The following MYH9 variants were observed in gnomAD, a reference collection of about 807,000 sequenced individuals.
The protein encoded by MYH9 is myosin-9.
MYH9 carries 29 observed loss-of-function variants against 241.9 expected under a neutral mutation model. The observed-to-expected ratio is 0.12, with a 90% confidence interval of 0.09 to 0.16. The LOEUF (loss-of-function observed/expected upper bound fraction) is 0.16. Ranked by LOEUF, MYH9 falls within the 10% of genes least tolerant of loss-of-function variation. The pLI, the probability that MYH9 is intolerant of heterozygous loss-of-function variation, is 1.00. For missense variants in MYH9, 1,803 were observed against 2,595.5 expected (o/e 0.69, Z 6.63); for synonymous variants, 1,047 against 1,062.6 (o/e 0.99, Z 0.29).
At chr22:36,365,765 T>TAAAA (rs1199552812) in intron 1 of MYH9, among the ~76,000 whole-genome samples, 1 of 152,236 alleles carries the variant, frequency 6.6e-6, no homozygotes, top group Non-Finnish European at 1.5e-5. Flanking sequence ...CCGGCCTTTT[T>TAAAA]TTAAATTTTA....
chr22:36,316,373 C>G lies in MYH9; in HGVS notation c.1380+144G>C, dbSNP rs2017152385. The G allele has an allele frequency of 2.5e-6, 3 of 1,200,832 alleles. No individual in the cohort carries two copies. In the Admixed American group the frequency reaches 5.7e-5, roughly 23 times the overall value. 74.4% of individuals were successfully genotyped at this position (1,200,832 alleles called of 1,614,324 possible). On this transcript the variant is annotated intron_variant, in intron 12 of 40. Transcript: ENST00000216181. ...TAAAAAAGAAAAAAAAAAAAACAAC[C>G]CCACACCCAACCAAAGTCTTCATGC...
chr22:36,293,591 G>T lies in MYH9; in HGVS notation c.3943-110C>A. On this transcript the variant is annotated intron_variant, in intron 29 of 40. Coordinates refer to ENST00000216181, the MANE Select transcript of MYH9 (RefSeq NM_002473.6). This position sits in a 1 kb window ranked among gnomAD's most constrained non-coding sequence, Gnocchi z 5.1. ...AGCTGGTCCTGCTGATTTAGGGGAT[G>T]GCCACGTAAAGACCTGGAGGGAGCT... 1.3e-6 allele frequency: 2 copies of T among 1,502,388 alleles called. No homozygotes were observed. The highest frequency in any genetic ancestry group is 1.8e-6 in the Non-Finnish European group (2 of 1,091,258). 93.1% of individuals were successfully genotyped at this position (1,502,388 alleles called of 1,614,324 possible). A position where few individuals can be genotyped will look rare whatever the true frequency, so the allele number is the denominator to read the frequency against.
At chr22:36,302,303 A>T (rs1002537721) in intron 20 of MYH9, 114 of 361,500 alleles carry the variant, frequency 3.2e-4, no homozygotes, top group East Asian at 8.7e-4. Context: ...TTTTTTTTTT[A>T]AAGGCCAGGA....
rs2016977314 is a variant in MYH9, at chr22:36,306,730, G to A, written c.1844-123C>T. ...AAAGAGGAGACAGAATGAAACAACAGGACCCTTTCCAATTGGAGCCTACAC... is the reference window on the plus strand; with the variant it reads ...AAAGAGGAGACAGAATGAAACAACAAGACCCTTTCCAATTGGAGCCTACAC... On this transcript the variant is annotated intron_variant, in intron 15 of 40. Coordinates refer to ENST00000216181, the MANE Select transcript of MYH9 (RefSeq NM_002473.6). The surrounding 1 kb of genome is among the most constrained non-coding windows in gnomAD (Gnocchi z 4.1). 2.0e-6 allele frequency: 2 copies of A among 1,021,342 alleles called. No homozygotes were observed. Among genetic ancestry groups the A allele is most frequent in the East Asian group, 2.6e-5 (1 of 38,530 alleles). The allele number at this position is 1,021,342 out of a possible 1,614,324, so 63.3% of individuals were successfully genotyped here.
In MYH9 at chr22:36,285,918, G is replaced by C. The variant is rs771409452; in HGVS notation, c.5097C>G (p.Ala1699=). 3.6e-5 allele frequency: 58 copies of C among 1,612,378 alleles called. 1 individual carries two copies. In the South Asian group the frequency reaches 6.3e-4, roughly 17 times the overall value. Residue 1699 remains alanine (A), a synonymous_variant, in exon 36 of 41, where the codon GCC becomes GCG. Coordinates refer to ENST00000216181, the MANE Select transcript of MYH9 (RefSeq NM_002473.6). This position sits in a 1 kb window ranked among gnomAD's most constrained non-coding sequence, Gnocchi z 7.0. The part of the protein sequence containing the change: ...LAAAERAKRQ[A]QQERDELADE... ...CAGCCAGCTCATCCCGCTCCTGCTG[G>C]GCCTGGCGCTTGGCACGCTCCGCGG...
chr22:36,386,846 C>G (rs978283685), intron 1 of MYH9, among the ~76,000 whole-genome samples: 1 of 152,258 alleles, frequency 6.6e-6, no homozygotes, highest in African/African-American at 2.4e-5. Context: ...GGGGTGAGGA[C>G]CCCAGCACAG....
intron 34 of MYH9, among the ~76,000 whole-genome samples, chr22:36,287,881 G>A (rs113556463): frequency 7.9e-5 from 12 of 152,220 alleles, no homozygotes; most frequent in Admixed American, 2.0e-4. Context: ...CCCACACTCC[G>A]GGCTGCTTCT....
intron 38 of MYH9, among the ~76,000 whole-genome samples, chr22:36,284,856 C>A (rs1369048909): frequency 6.6e-6 from 1 of 152,162 alleles, no homozygotes; most frequent in Non-Finnish European, 1.5e-5. Flanking sequence ...GCAGGACCCC[C>A]CTGTACCTCC....
At chr22:36,303,947 G>A (rs2016929107) in intron 19 of MYH9, 48 bp downstream of exon 19, 1 of 1,608,000 alleles carries the variant, frequency 6.2e-7, no homozygotes, top group Non-Finnish European at 8.5e-7. Flanking sequence ...CAACAGAAGG[G>A]CGTGGCAAGG....
chr22:36,354,956 AACACACACACACAC>A (rs136203), intron 1 of MYH9, among the ~76,000 whole-genome samples: 22 of 123,708 alleles, frequency 1.8e-4, no homozygotes, highest in African/African-American at 4.9e-4. Flanking sequence ...CAAAAAACAA[AACACACACACACAC>A]ACACACACAC....
intron 3 of MYH9, among the ~76,000 whole-genome samples, chr22:36,338,299 CGAA>C (rs1277300727): frequency 6.6e-6 from 1 of 151,848 alleles, no homozygotes; most frequent in Non-Finnish European, 1.5e-5. Context: ...CACACCCAGC[CGAA>C]GAAGAAGGAA....
chr22:36,303,911 G>T, intron 19 of MYH9, 84 bp downstream of exon 19: 2 of 1,519,060 alleles, frequency 1.3e-6, no homozygotes, highest in Non-Finnish European at 9.0e-7. Context: ...TGGCTGCAGC[G>T]GGGTGGCCTG....
chr22:36,360,576 G>A (rs1283780985), intron 1 of MYH9, among the ~76,000 whole-genome samples: 2 of 151,962 alleles, frequency 1.3e-5, no homozygotes, highest in Admixed American at 1.3e-4. Context: ...AGCCGGGCAT[G>A]GTGGCGGGCA....
chr22:36,292,012 C>T lies in MYH9; in HGVS notation c.4318G>A (p.Glu1440Lys). The change falls in exon 31 of 41, where the codon GAG (glutamate) becomes AAG (lysine). Residue 1440 changes from glutamate to lysine, a missense_variant. Around this residue, in one of 11 missense-constraint regions of MYH9, gnomAD observed 876 missense variants for 1,077.8 expected, o/e 0.81. Transcript: ENST00000216181. ...DHQRQSACNL[E>K]KKQKKFDQLL... ...TGGTCAAACTTCTTCTGCTTCTTCT[C>T]CAGGTTGCACGCGCTCTGGCGCTGG... The T allele has an allele frequency of 6.2e-7, 1 of 1,614,240 alleles. No homozygotes were observed. The highest frequency in any genetic ancestry group is 8.5e-7 in the Non-Finnish European group (1 of 1,180,048).
rs142552338 is a variant in MYH9, at chr22:36,322,415, G to A, written c.705+14C>T. The A allele has an allele frequency of 1.6e-3, 2,649 of 1,613,196 alleles. 2 individuals are homozygous for A. Among genetic ancestry groups the A allele is most frequent in the Admixed American group, 2.0e-3 (122 of 60,022 alleles). ...CCTCTGTCCCCAGAGCCGGGGCGCC[G>A]CCGCGCTACTCACGAAGCGGGAGGA... On this transcript the variant is annotated intron_variant, in intron 6 of 40. Transcript: ENST00000216181.
At chr22:36,348,001 G>T (rs2146391557) in intron 2 of MYH9, among the ~76,000 whole-genome samples, 1 of 147,396 alleles carries the variant, frequency 6.8e-6, no homozygotes, top group African/African-American at 2.5e-5. Flanking sequence ...AAGAGATAAA[G>T]ATATTTTTAA....
intron 2 of MYH9, 74 bp from the exon 3 acceptor site, chr22:36,341,600 A>G (rs2017591550): frequency 3.2e-6 from 5 of 1,555,614 alleles, no homozygotes; most frequent in African/African-American, 2.7e-5. Flanking sequence ...TTGTAGCAAA[A>G]TATCTGCGGC....
At chr22:36,369,434 G>A (rs1485946013) in intron 1 of MYH9, among the ~76,000 whole-genome samples, 8 of 152,220 alleles carry the variant, frequency 5.3e-5, no homozygotes, top group Non-Finnish European at 7.3e-5. Flanking sequence ...GGCCGGCTCT[G>A]GGCAGAAGGC....
At chr22:36,287,509 C>A (rs9610482) in intron 34 of MYH9, among the ~76,000 whole-genome samples, 1 of 151,780 alleles carries the variant, frequency 6.6e-6, no homozygotes, top group Non-Finnish European at 1.5e-5. Context: ...TTTGGGAGGC[C>A]GAGGCGGGTG....
Sources: allele counts gnomAD v4.1 joint callset (sites outside exome capture counted in the v4.1 genomes callset), GRCh38; gene constraint gnomAD v4.1.1; regional missense constraint gnomAD v4.1.1; non-coding constraint Gnocchi (gnomAD v3.1); transcripts MANE v1.5; gene names NCBI Gene and HGNC (gene_info 2026-07-23, HGNC 2026-07-21).